Variants in BANP observed in about 807,000 individuals in gnomAD.
BANP encodes protein BANP.
Under a neutral mutation model 68.1 loss-of-function variants are expected in BANP, and 11 were observed. The observed-to-expected ratio is 0.16, with a 90% confidence interval of 0.10 to 0.27. The LOEUF (loss-of-function observed/expected upper bound fraction) is 0.27. BANP is among the 10% of genes least tolerant of loss of function. BANP has a pLI of 1.00. For synonymous variants in BANP, 329 were observed against 303.2 expected, an observed-to-expected ratio of 1.09 and a Z score of -0.88; for missense variants, 504 against 722.7, an observed-to-expected ratio of 0.70 and a Z score of 3.47.
Position 88,027,595 on chromosome 16 carries a change from G to A in BANP, c.1008G>A (p.Leu336=), listed in dbSNP as rs1357965225. The A allele has an allele frequency of 1.2e-6, 2 of 1,613,978 alleles. No homozygotes were observed. Among genetic ancestry groups the A allele is most frequent in the Non-Finnish European group, 8.5e-7 (1 of 1,179,908 alleles). The change falls in exon 8 of 14, where the codon CTG becomes CTA. Residue 336 remains leucine (L), a synonymous_variant. Coordinates refer to ENST00000682872, the MANE Select transcript of BANP (RefSeq NM_001386991.1). The part of the protein sequence containing the change: ...AWRRKQRGQS[L]AVKSFSRRTP... ...GGCGCAAGCAGCGGGGCCAGAGCCT[G>A]GCGGTCAAGAGCTTCTCGCGGAGAA...
chr16:87,978,033 A>G (rs1184382264), intron 2 of BANP, among the ~76,000 whole-genome samples: 12 of 152,090 alleles, frequency 7.9e-5, no homozygotes, highest in Non-Finnish European at 1.6e-4. Flanking sequence ...ACGGGGTTTC[A>G]CCATGTTGGC....
chr16:88,035,172 A>G lies in BANP; in HGVS notation c.1201-151A>G, dbSNP rs2079044198. On this transcript the variant is annotated intron_variant, in intron 9 of 13. Transcript: ENST00000682872. ...GTGAACCAAAAGCTTAATTTAAAGA[A>G]GTGACCACAGACTATATTGCACTAT... The G allele has an allele frequency of 5.4e-6, 4 of 743,866 alleles. No homozygotes were observed. In the Admixed American group the frequency reaches 1.0e-4, roughly 19 times the overall value. The allele number at this position is 743,866 out of a possible 1,614,324, so 46.1% of individuals were successfully genotyped here.
At chr16:88,021,274 C>G (rs185258719) in intron 7 of BANP, among the ~76,000 whole-genome samples, 5 of 152,170 alleles carry the variant, frequency 3.3e-5, no homozygotes, top group Non-Finnish European at 7.4e-5. Flanking sequence ...CTCTGGAGCA[C>G]GGTCCCCTGG....
At chr16:88,073,262 T>C (rs1473488696) in intron 13 of BANP, among the ~76,000 whole-genome samples, 2 of 152,222 alleles carry the variant, frequency 1.3e-5, no homozygotes, top group African/African-American at 4.8e-5. Flanking sequence ...ATGTCAGTGC[T>C]CACCTGACGC....
At chr16:87,949,811 T>C (rs2056630345), upstream of BANP, 1 of 152,164 alleles carries the variant, frequency 6.6e-6, no homozygotes, top group African/African-American at 2.4e-5. Context: ...AATCCTGTTT[T>C]TATTATTGGC....
intron 8 of BANP, among the ~76,000 whole-genome samples, chr16:88,029,426 G>A (rs1438788557): frequency 1.3e-5 from 2 of 151,458 alleles, no homozygotes; most frequent in Non-Finnish European, 2.9e-5. Flanking sequence ...TGGCTAACAC[G>A]GTGAAACCCC....
rs1023711520 is a variant in BANP, at chr16:88,071,380, G to A, written c.1378-689G>A. ...TGGATTGAGTGGGAAGTGGGCCTGG[G>A]TGCTTACAGGCGATGGGGTCACCAG... On this transcript the variant is annotated intron_variant, in intron 12 of 13. Coordinates refer to ENST00000682872, the MANE Select transcript of BANP (RefSeq NM_001386991.1). The surrounding 1 kb of genome is among the most constrained non-coding windows in gnomAD (Gnocchi z 6.5). 10 of 419,972 alleles carry A rather than the reference G, an allele frequency of 2.4e-5. No homozygotes were observed. The highest frequency in any genetic ancestry group is 2.4e-4 in the Admixed American group (9 of 38,050). 26.0% of individuals were successfully genotyped at this position (419,972 alleles called of 1,614,324 possible). A position where few individuals can be genotyped will look rare whatever the true frequency, so the allele number is the denominator to read the frequency against.
intron 4 of BANP, among the ~76,000 whole-genome samples, chr16:87,992,223 A>G (rs1240015701): frequency 6.6e-6 from 1 of 152,204 alleles, no homozygotes; most frequent in Non-Finnish European, 1.5e-5. Flanking sequence ...CTTCATCTAC[A>G]TGTATTGTGC....
intron 6 of BANP, among the ~76,000 whole-genome samples, chr16:88,014,329 C>T (rs1350797359): frequency 6.6e-6 from 1 of 151,960 alleles, no homozygotes; most frequent in Non-Finnish European, 1.5e-5. Flanking sequence ...AGAGGATGAG[C>T]TTAGCGGCTG....
chr16:88,040,246 G>T (rs1424913252), intron 11 of BANP, among the ~76,000 whole-genome samples: 1 of 148,374 alleles, frequency 6.7e-6, no homozygotes, highest in Admixed American at 6.8e-5. Flanking sequence ...TTTTCCATTT[G>T]TGGAAATCCT....
intron 12 of BANP, among the ~76,000 whole-genome samples, chr16:88,068,561 T>C (rs2089428439): frequency 6.6e-6 from 1 of 151,942 alleles, no homozygotes; most frequent in African/African-American, 2.4e-5. Context: ...CTGTGATGAG[T>C]GGGAAACGCA....
Position 88,003,545 on chromosome 16 carries a change from G to A in BANP, c.363-750G>A, listed in dbSNP as rs574374160. The A allele has an allele frequency of 6.6e-5, 30 of 456,078 alleles. No individual in the cohort carries two copies. Among genetic ancestry groups the A allele is most frequent in the Non-Finnish European group, 1.2e-4 (28 of 226,946 alleles). The allele number at this position is 456,078 out of a possible 1,614,324, so 28.3% of individuals were successfully genotyped here. ...CCAGAAAGTGCTAAGGCTTAAAAAC[G>A]CATGATTGAAAACTGTGGGTGAGTC... On this transcript the variant is annotated intron_variant, in intron 4 of 13. Coordinates refer to ENST00000682872, the MANE Select transcript of BANP (RefSeq NM_001386991.1). This position sits in a 1 kb window ranked among gnomAD's most constrained non-coding sequence, Gnocchi z 6.1.
chr16:88,064,793 G>T lies in BANP; in HGVS notation c.1312-474G>T, dbSNP rs1472605722. Reference sequence around the variant, plus strand: ...TTGCCCGCAGGGCACTCCTCTGGCTGGGATAGGAGACAGCCAGGACCCCTC... The same window carrying T: ...TTGCCCGCAGGGCACTCCTCTGGCTTGGATAGGAGACAGCCAGGACCCCTC... On this transcript the variant is annotated intron_variant, in intron 11 of 13. Transcript: ENST00000682872. The surrounding 1 kb of genome is among the most constrained non-coding windows in gnomAD (Gnocchi z 4.5). Among the ~76,000 whole-genome samples, 2 of 152,240 alleles carry T rather than the reference G, an allele frequency of 1.3e-5. No individual in the cohort carries two copies. The highest frequency in any genetic ancestry group is 2.9e-5 in the Non-Finnish European group (2 of 68,042).
At chr16:88,045,157 C>T (rs1248418277) in intron 11 of BANP, among the ~76,000 whole-genome samples, 2 of 152,024 alleles carry the variant, frequency 1.3e-5, no homozygotes, top group African/African-American at 4.8e-5. Context: ...TAGCATTCTT[C>T]TCAGGGCTTT....
chr16:88,066,519 TTCCCAAAAACAAGTGCCTCCTGC>T (rs1054203111), intron 12 of BANP, among the ~76,000 whole-genome samples: 1 of 152,204 alleles, frequency 6.6e-6, no homozygotes, highest in Non-Finnish European at 1.5e-5. Context: ...GTGGCCTCTG[TTCCCAAAAACAAGTGCCTCCTGC>T]TCCTTTTGCC....
In BANP at chr16:87,990,919, T is replaced by C. The variant is rs575616058; in HGVS notation, c.362+6660T>C. ...CTGGGACTACAGGCGCCCGTCACCA[T>C]GCCTGGCTAATTTTTTGTATTTTTA... On this transcript the variant is annotated intron_variant, in intron 4 of 13. Coordinates refer to ENST00000682872, the MANE Select transcript of BANP (RefSeq NM_001386991.1). 3.3e-5 allele frequency among the ~76,000 whole-genome samples: 5 copies of C among 152,316 alleles called. No individual in the cohort carries two copies. In the East Asian group the frequency reaches 5.8e-4, roughly 18 times the overall value.
chr16:88,023,926 GAT>G (rs1270850722), intron 7 of BANP, among the ~76,000 whole-genome samples: 2 of 152,314 alleles, frequency 1.3e-5, no homozygotes, highest in African/African-American at 2.4e-5. Context: ...GTAGTGTGGG[GAT>G]ATGGCTGGGG....
At chr16:88,069,512 G>A (rs902688403) in intron 12 of BANP, among the ~76,000 whole-genome samples, 3 of 152,140 alleles carry the variant, frequency 2.0e-5, no homozygotes, top group Non-Finnish European at 2.9e-5. Flanking sequence ...GAGGGTAATC[G>A]TGCTGCTCCG....
chr16:87,998,109 G>C (rs988587011), intron 4 of BANP, among the ~76,000 whole-genome samples: 4 of 152,198 alleles, frequency 2.6e-5, no homozygotes, highest in Admixed American at 6.5e-5. Flanking sequence ...AAAATGGGAA[G>C]CTCACTCTTG....
Sources: allele counts gnomAD v4.1 joint callset (sites outside exome capture counted in the v4.1 genomes callset), GRCh38; gene constraint gnomAD v4.1.1; non-coding constraint Gnocchi (gnomAD v3.1); transcripts MANE v1.5; gene names NCBI Gene and HGNC (gene_info 2026-07-23, HGNC 2026-07-21).